VDR: variants seen among roughly 807,000 people sequenced by gnomAD.
VDR encodes the protein vitamin D3 receptor.
A neutral mutation model predicts 39.7 loss-of-function variants in VDR; 19 were observed. That is an observed-to-expected ratio of 0.48 (90% CI 0.33 to 0.70). The LOEUF is 0.70. Among genes scored for constraint, VDR ranks in the 30% least tolerant of loss-of-function variants. The pLI, the probability that VDR is intolerant of heterozygous loss-of-function variation, is 0.02. For missense variants in VDR, 442 were observed against 570.5 expected (o/e 0.77, Z 2.29); for synonymous variants, 242 against 215.8 (o/e 1.12, Z -1.07).
intron 1 of VDR, among the ~76,000 whole-genome samples, chr12:47,895,223 C>A (rs868183943): frequency 1.4e-4 from 22 of 152,208 alleles, no homozygotes; most frequent in Middle Eastern, 3.2e-3. Flanking sequence ...ACACCTTGAA[C>A]GATTGCATGG....
intron 3 of VDR, among the ~76,000 whole-genome samples, chr12:47,875,072 T>C (rs1294533679): frequency 4.6e-5 from 7 of 152,160 alleles, no homozygotes. Flanking sequence ...CAACATGAAA[T>C]AGCTTGCAGG....
At chr12:47,848,961 C>T (rs1432502285) in intron 7 of VDR, among the ~76,000 whole-genome samples, 4 of 152,168 alleles carry the variant, frequency 2.6e-5, no homozygotes, top group African/African-American at 9.7e-5. Flanking sequence ...GAGCCGTCAG[C>T]ACAAGATGAT....
At chr12:47,890,774 G>T (rs1402943511) in intron 1 of VDR, among the ~76,000 whole-genome samples, 5 of 152,228 alleles carry the variant, frequency 3.3e-5, no homozygotes, top group African/African-American at 1.2e-4. Flanking sequence ...TGAAGGGAGT[G>T]GGTGCAGGAG....
chr12:47,882,591 T>A, intron 2 of VDR, 103 bp downstream of exon 2: 1 of 1,027,508 alleles, frequency 9.7e-7, no homozygotes, highest in African/African-American at 1.6e-5. Flanking sequence ...CTGGGTGGTA[T>A]CCCTTCCTTC....
At chr12:47,853,337 G>A (rs760158237) in intron 7 of VDR, among the ~76,000 whole-genome samples, 1 of 151,976 alleles carries the variant, frequency 6.6e-6, no homozygotes, top group African/African-American at 2.4e-5. Flanking sequence ...CAGCTACTCG[G>A]GAGACTGAGG....
intron 3 of VDR, among the ~76,000 whole-genome samples, chr12:47,865,532 C>T (rs1945713074): frequency 6.6e-6 from 1 of 152,152 alleles, no homozygotes; most frequent in African/African-American, 2.4e-5. Context: ...CTGCTTCAGC[C>T]TCCAGTATAG....
Position 47,844,613 on chromosome 12 carries a change from A to G in VDR, c.*133T>C, listed in dbSNP as rs1945237407. 4.0e-6 allele frequency: 5 copies of G among 1,235,004 alleles called. No homozygotes were observed. The highest frequency in any genetic ancestry group is 5.7e-6 in the Non-Finnish European group (5 of 872,898). The allele number at this position is 1,235,004 out of a possible 1,614,324, so 76.5% of individuals were successfully genotyped here. Reference sequence around the variant, plus strand: ...ACAGGAGAGAGAATGGGCTGGGTGGATAGGGGAGGTGGCAGAGGAGGGGCT... The same window carrying G: ...ACAGGAGAGAGAATGGGCTGGGTGGGTAGGGGAGGTGGCAGAGGAGGGGCT... On this transcript the variant is annotated 3_prime_UTR_variant, in exon 10 of 10. Transcript: ENST00000549336.
chr12:47,866,729 C>A (rs1278786466), intron 3 of VDR, among the ~76,000 whole-genome samples: 2 of 152,158 alleles, frequency 1.3e-5, no homozygotes, highest in African/African-American at 4.8e-5. Context: ...GTGGCTCAGG[C>A]CTGTAATCCT....
intron 2 of VDR, 32 bp from the exon 3 acceptor site, chr12:47,879,147 G>T: frequency 6.2e-7 from 1 of 1,607,422 alleles, no homozygotes; most frequent in Non-Finnish European, 8.5e-7. Flanking sequence ...CACGGTCAGA[G>T]CCAGAGTCAG....
At chr12:47,875,326 T>C (rs1173405215) in intron 3 of VDR, among the ~76,000 whole-genome samples, 1 of 152,206 alleles carries the variant, frequency 6.6e-6, no homozygotes, top group Non-Finnish European at 1.5e-5. Context: ...TGACCCAATA[T>C]TCAAGCAATG....
Position 47,857,569 on chromosome 12 carries a change from C to A in VDR, c.397G>T (p.Ala133Ser). Reference sequence around the variant, plus strand: ...TTATGGTGGGCGTCCAGCAGTATGGCAATGATGCGCTGCTGCTCCTCAGAC... The same window carrying A: ...TTATGGTGGGCGTCCAGCAGTATGGAAATGATGCGCTGCTGCTCCTCAGAC... Reference protein sequence around the residue: ...KLSEEQQRIIAILLDAHHKTY... With the variant: ...KLSEEQQRIISILLDAHHKTY... Residue 133 changes from alanine (A) to serine (S), a missense_variant, in exon 5 of 10, where the codon GCC becomes TCC. Physicochemically the swap from Ala to Ser is moderately conservative, Grantham distance 99 (BLOSUM62 1). Coordinates refer to ENST00000549336, the MANE Select transcript of VDR (RefSeq NM_000376.3). The A allele has an allele frequency of 6.2e-7, 1 of 1,614,204 alleles. No individual in the cohort carries two copies. The highest frequency in any genetic ancestry group is 8.5e-7 in the Non-Finnish European group (1 of 1,180,044).
chr12:47,885,553 C>A (rs2137219762), intron 1 of VDR, among the ~76,000 whole-genome samples: 1 of 152,356 alleles, frequency 6.6e-6, no homozygotes, highest in East Asian at 1.9e-4. Flanking sequence ...CAGTTTAACT[C>A]CACATTGACT....
intron 3 of VDR, 144 bp from the exon 4 acceptor site, chr12:47,865,321 C>T: frequency 1.6e-6 from 2 of 1,227,700 alleles, no homozygotes; most frequent in African/African-American, 1.5e-5. Flanking sequence ...CAGTCACTCT[C>T]ACCTCTAGGC....
At chr12:47,877,879 A>G (rs542205251) in intron 3 of VDR, among the ~76,000 whole-genome samples, 2 of 152,330 alleles carry the variant, frequency 1.3e-5, no homozygotes, top group South Asian at 4.1e-4. Context: ...ATTAGCACCC[A>G]CAGAAACCCC....
chr12:47,859,748 C>G (rs1402421305), intron 4 of VDR, among the ~76,000 whole-genome samples: 1 of 152,104 alleles, frequency 6.6e-6, no homozygotes, highest in Non-Finnish European at 1.5e-5. Context: ...ATAGACGGAG[C>G]CCAAGAAGTT....
chr12:47,904,638 C>A (rs1243861385), intron 1 of VDR: 19 of 1,535,704 alleles, frequency 1.2e-5, no homozygotes, highest in Non-Finnish European at 1.6e-5. Context: ...CATGCCAAGG[C>A]GCCCCGACAG....
chr12:47,877,214 C>A (rs537462940), intron 3 of VDR, among the ~76,000 whole-genome samples: 92 of 152,116 alleles, frequency 6.0e-4, no homozygotes, highest in African/African-American at 2.2e-3. Flanking sequence ...AAGGAGGCCC[C>A]ATCACTACAA....
In VDR at chr12:47,857,171, C is replaced by T. The variant is rs371280533; in HGVS notation, c.541G>A (p.Asp181Asn). Residue 181 changes from aspartate to asparagine, a missense_variant, in exon 6 of 10, where the codon GAC becomes AAC. Asp to Asn is a conservative substitution (Grantham distance 23). Around this residue, in one of 5 missense-constraint regions of VDR, gnomAD observed 77 missense variants for 67.4 expected, o/e 1.14. Transcript: ENST00000549336. ...NSRHTPSFSG[D>N]SSSSCSDHCI... ...TGATCTGAGCAGGAGGAGGAGGAGT[C>T]CCCAGAGAAGCTGGGAGTGTGTCTG... 16 of 1,614,012 alleles carry T rather than the reference C, an allele frequency of 9.9e-6. No individual in the cohort carries two copies. The highest frequency in any genetic ancestry group is 6.7e-5 in the African/African-American group (5 of 74,916).
chr12:47,877,138 A>G (rs1946023927), intron 3 of VDR, among the ~76,000 whole-genome samples: 1 of 152,128 alleles, frequency 6.6e-6, no homozygotes, highest in South Asian at 2.1e-4. Flanking sequence ...ATAATCCTAG[A>G]ACTTTGGGAG....
Sources: gnomAD v4.1 joint callset for allele counts (sites outside exome capture counted in the v4.1 genomes callset) on GRCh38, gnomAD v4.1.1 for gene constraint, gnomAD v4.1.1 regional missense constraint, MANE v1.5 for transcripts, NCBI Gene and HGNC (gene_info 2026-07-23, HGNC 2026-07-21) for gene names.